The following AOX1 variants were observed in gnomAD, a reference collection of about 807,000 sequenced individuals.
AOX1 encodes the protein aldehyde oxidase 1.
In AOX1, 153 loss-of-function variants were observed where a neutral mutation model predicts 169.5. The observed-to-expected ratio is 0.90, with a 90% confidence interval of 0.79 to 1.03. The LOEUF is 1.03. AOX1 is among the 50% of genes least tolerant of loss of function. AOX1 has a pLI of 0.00. For synonymous variants in AOX1, 562 were observed against 581.9 expected (o/e 0.97, Z 0.49); for missense variants, 1,656 against 1,663.9 (o/e 1.00, Z 0.08).
At chr2:200,596,260 C>T (rs1464085971) in intron 3 of AOX1, among the ~76,000 whole-genome samples, 1 of 152,228 alleles carries the variant, frequency 6.6e-6, no homozygotes, top group African/African-American at 2.4e-5. Flanking sequence ...GCCTGGCTGT[C>T]AGCTTTTTAG....
At chr2:200,604,875 T>C in intron 9 of AOX1, 35 bp downstream of exon 9, 3 of 1,605,252 alleles carry the variant, frequency 1.9e-6, no homozygotes, top group South Asian at 2.2e-5. Flanking sequence ...TATAGGGAAA[T>C]TGAGAAAAAG....
At position 200,596,981 on chromosome 2, in the gene AOX1, C is replaced by T. The variant is rs375826769; in HGVS notation, c.201-416C>T. 3.9e-5 allele frequency among the ~76,000 whole-genome samples: 6 copies of T among 152,248 alleles called. No homozygotes were observed. The East Asian group carries it at 5.8e-4, about 15-fold the overall frequency. ...AATGTTTAACTTATGCATCCATCAG[C>T]GTGACAGTGAGGTGTTGGTGAAGTC... On this transcript the variant is annotated intron_variant, in intron 3 of 34. Coordinates refer to ENST00000374700, the MANE Select transcript of AOX1 (RefSeq NM_001159.4).
intron 20 of AOX1, among the ~76,000 whole-genome samples, chr2:200,630,536 A>T (rs2035096619): frequency 7.5e-6 from 1 of 133,554 alleles, no homozygotes; most frequent in Non-Finnish European, 1.6e-5. Flanking sequence ...AGATGGATGG[A>T]TGGAAGGAAG....
At chr2:200,613,138 G>A (rs2034681531) in intron 14 of AOX1, among the ~76,000 whole-genome samples, 1 of 151,964 alleles carries the variant, frequency 6.6e-6, no homozygotes, top group Non-Finnish European at 1.5e-5. Flanking sequence ...AATTATGTGA[G>A]TTTGTTCTAT....
intron 31 of AOX1, among the ~76,000 whole-genome samples, chr2:200,666,440 A>AT (rs935948561): frequency 6.6e-6 from 1 of 152,028 alleles, no homozygotes; most frequent in Non-Finnish European, 1.5e-5. Flanking sequence ...TGAAGTAAAT[A>AT]TTTTTTTCTC....
chr2:200,674,273 T>C (rs2036064963), downstream of AOX1, among the ~76,000 whole-genome samples: 1 of 152,082 alleles, frequency 6.6e-6, no homozygotes, highest in African/African-American at 2.4e-5. Flanking sequence ...GTTGGCAGTA[T>C]AGACCCTCTT....
chr2:200,657,205 T>TTA (rs10667351), intron 27 of AOX1, among the ~76,000 whole-genome samples: 1 of 134,372 alleles, frequency 7.4e-6, no homozygotes, highest in East Asian at 2.1e-4. Flanking sequence ...TTTTTTTTTT[T>TTA]AATTAGCAGG....
At chr2:200,682,135 T>C in the AOX1 span, among the ~76,000 whole-genome samples, 1 of 152,228 alleles carries the variant, frequency 6.6e-6, no homozygotes, top group African/African-American at 2.4e-5. Context: ...ATTTCACATA[T>C]GCATTCTATC....
chr2:200,608,945 G>A, intron 10 of AOX1, 39 bp from the exon 11 acceptor site: 1 of 1,593,252 alleles, frequency 6.3e-7, no homozygotes, highest in South Asian at 1.1e-5. Flanking sequence ...CAGATCAGCA[G>A]TGATCGCACT....
intron 1 of AOX1, among the ~76,000 whole-genome samples, chr2:200,589,418 C>G (rs2034122467): frequency 6.6e-6 from 1 of 152,192 alleles, no homozygotes; most frequent in Non-Finnish European, 1.5e-5. Flanking sequence ...GTGTGGAAAT[C>G]AAAGGTATGG....
intron 31 of AOX1, among the ~76,000 whole-genome samples, chr2:200,665,784 C>T (rs1352719480): frequency 2.0e-5 from 3 of 152,192 alleles, no homozygotes; most frequent in Admixed American, 2.0e-4. Flanking sequence ...GACTTTAGAG[C>T]TCCTCCTCTA....
At chr2:200,659,801 C>T (rs1017614311) in intron 28 of AOX1, among the ~76,000 whole-genome samples, 194 bp from the exon 29 acceptor site, 1 of 149,084 alleles carries the variant, frequency 6.7e-6, no homozygotes, top group African/African-American at 2.6e-5. Flanking sequence ...CACACACACA[C>T]ACACACACAC....
At chr2:200,662,540 T>G (rs963648114) in intron 30 of AOX1, among the ~76,000 whole-genome samples, 5 of 152,064 alleles carry the variant, frequency 3.3e-5, no homozygotes, top group African/African-American at 1.2e-4. Flanking sequence ...GAAGGTTGAG[T>G]TCCCCAAATC....
downstream of AOX1, among the ~76,000 whole-genome samples, chr2:200,672,474 G>T (rs2036043631): frequency 6.6e-6 from 1 of 152,168 alleles, no homozygotes; most frequent in Non-Finnish European, 1.5e-5. Flanking sequence ...GCAGAGAGAA[G>T]TCACATGGAT....
chr2:200,640,243 G>A (rs1355745238), intron 23 of AOX1, among the ~76,000 whole-genome samples: 3 of 152,006 alleles, frequency 2.0e-5, no homozygotes, highest in Non-Finnish European at 2.9e-5. Context: ...GACTGAGAGG[G>A]GCCTACAGTC....
intron 20 of AOX1, among the ~76,000 whole-genome samples, chr2:200,630,445 C>T (rs372102543): frequency 2.2e-4 from 33 of 151,668 alleles, no homozygotes; most frequent in Non-Finnish European, 4.3e-4. Context: ...ATGGCTTGAA[C>T]CCGGTAGGCG....
At position 200,587,103 on chromosome 2, in the gene AOX1, CAAAA is replaced by C. The variant is rs1369846552; in HGVS notation, c.45+957_45+960del. Among the ~76,000 whole-genome samples the C allele has an allele frequency of 2.2e-5, 3 of 138,750 alleles. No homozygotes were observed. In the South Asian group the frequency reaches 7.1e-4, roughly 33 times the overall value. 91.0% of individuals were successfully genotyped at this position (138,750 alleles called of 152,430 possible). A position where few individuals can be genotyped will look rare whatever the true frequency, so the allele number is the denominator to read the frequency against. ...GCAACATGGCGAAACCTTGTCTCTA[CAAAA>C]AAAAAACCAAACAAAACAAAACAAC... is the stretch of plus-strand genomic sequence containing the variant. On this transcript the variant is annotated intron_variant, in intron 1 of 34. Coordinates refer to ENST00000374700, the MANE Select transcript of AOX1 (RefSeq NM_001159.4).
At chr2:200,663,360 A>G (rs1369205614) in intron 31 of AOX1, among the ~76,000 whole-genome samples, 1 of 152,186 alleles carries the variant, frequency 6.6e-6, no homozygotes, top group African/African-American at 2.4e-5. Context: ...AACAAGCACC[A>G]AGCCAGCCCA....
downstream of AOX1, among the ~76,000 whole-genome samples, chr2:200,680,775 A>AT (rs2036145811): frequency 6.6e-6 from 1 of 151,792 alleles, no homozygotes; most frequent in Non-Finnish European, 1.5e-5. Flanking sequence ...CAAACTCCTG[A>AT]CCTCAGGTGA....
Sources: allele counts gnomAD v4.1 joint callset (sites outside exome capture counted in the v4.1 genomes callset), GRCh38; gene constraint gnomAD v4.1.1; transcripts MANE v1.5; gene names NCBI Gene and HGNC (gene_info 2026-07-23, HGNC 2026-07-21).